CCDC144A: variants seen among roughly 807,000 people sequenced by gnomAD.
CCDC144A encodes coiled-coil domain containing 144A, also known as coiled-coil domain-containing protein 144A.
Under a neutral mutation model 143.8 loss-of-function variants are expected in CCDC144A, and 41 were observed. The observed-to-expected ratio is 0.29, with a 90% CI of 0.22 to 0.37. The LOEUF is 0.37. CCDC144A is among the 10% of genes least tolerant of loss of function. The probability of loss-of-function intolerance (pLI) is 1.00; values close to 1 mark genes in which losing one functional copy is unlikely to be tolerated. For missense variants in CCDC144A, 637 were observed against 1,488.8 expected (o/e 0.43, Z 9.41); for synonymous variants, 242 against 517.9 (o/e 0.47, Z 7.23).
intron 5 of CCDC144A, among the ~76,000 whole-genome samples, chr17:16,711,163 A>AAAAAAAAAAAAAAAAAAAAAAAG (rs1912418050): frequency 7.0e-6 from 1 of 142,192 alleles, no homozygotes; most frequent in Non-Finnish European, 1.5e-5. Flanking sequence ...AAAAAACAAA[A>AAAAAAAAAAAAAAAAAAAAAAAG]GTTAGTGGGG....
At chr17:16,707,069 G>A in intron 3 of CCDC144A, 1 of 160,808 alleles carries the variant, frequency 6.2e-6, no homozygotes, top group Non-Finnish European at 1.3e-5. Context: ...CAATAAAGGT[G>A]TCCACAGTCA....
At chr17:16,672,487 A>G in the CCDC144A span, among the ~76,000 whole-genome samples, 2 of 152,112 alleles carry the variant, frequency 1.3e-5, no homozygotes, top group Admixed American at 1.3e-4. Context: ...GGACATGTCA[A>G]AATTTCTATA....
intron 16 of CCDC144A, among the ~76,000 whole-genome samples, chr17:16,772,969 T>A (rs1314223707): frequency 6.6e-6 from 1 of 152,238 alleles, no homozygotes; most frequent in Admixed American, 6.5e-5. Context: ...GAATGAAGAA[T>A]GAGAAAACCA....
intron 2 of CCDC144A, among the ~76,000 whole-genome samples, chr17:16,704,632 T>C (rs562345864): frequency 6.6e-6 from 1 of 152,102 alleles, no homozygotes; most frequent in Admixed American, 6.6e-5. Context: ...ACAGCTCTTA[T>C]TTTGCAAATA....
intron 15 of CCDC144A, among the ~76,000 whole-genome samples, chr17:16,771,389 G>A (rs74453149): frequency 0.037 from 5,588 of 151,290 alleles, no homozygotes; most frequent in Non-Finnish European, 0.053. Context: ...CTTTGTGTCC[G>A]TATGAATGAA....
intron 11 of CCDC144A, among the ~76,000 whole-genome samples, chr17:16,734,082 G>A (rs1188668585): frequency 6.6e-6 from 1 of 150,518 alleles, no homozygotes; most frequent in Non-Finnish European, 1.5e-5. Context: ...CAAGGCTACA[G>A]TGAGTCTTGA....
At chr17:16,687,360 G>GC (rs1213166100), upstream of CCDC144A, among the ~76,000 whole-genome samples, 2 of 149,320 alleles carry the variant, frequency 1.3e-5, no homozygotes, top group Middle Eastern at 3.4e-3. Flanking sequence ...CTCCCCCGCC[G>GC]CCCCCCGCAG....
In CCDC144A at chr17:16,764,192, C is replaced by G. The variant is rs1339935725; in HGVS notation, c.4098+17C>G. 1.9e-6 allele frequency: 3 copies of G among 1,591,846 alleles called. No individual in the cohort carries two copies. Among genetic ancestry groups the G allele is most frequent in the Non-Finnish European group, 2.6e-6 (3 of 1,170,064 alleles). On this transcript the variant is annotated intron_variant, in intron 15 of 16. Coordinates refer to ENST00000399273, the MANE Select transcript of CCDC144A (RefSeq NM_001382000.1). ...TTGTTGAAGGTTAGCTATCTTTTTT[C>G]CTTCGGCGTTCAGATTTCTGATAGA... is the stretch of plus-strand genomic sequence containing the variant.
Position 16,734,883 on chromosome 17 carries a change from A to G in CCDC144A, c.2612A>G (p.Glu871Gly). The change falls in exon 12 of 17, where the codon GAG (glutamate) becomes GGG (glycine). Residue 871 changes from glutamate (E) to glycine (G), a missense_variant. By Grantham distance (98) the Glu-to-Gly change is moderately conservative. Coordinates refer to ENST00000399273, the MANE Select transcript of CCDC144A (RefSeq NM_001382000.1). ...DNLQKIIKLN[E>G]ETLTETILQY... ...CTTCAAAAAATTATAAAACTAAATG[A>G]GGAAACATTAACAGAAACAATACTC... 1 of 1,568,972 alleles carries G rather than the reference A, an allele frequency of 6.4e-7. No homozygotes were observed. The highest frequency in any genetic ancestry group is 8.6e-7 in the Non-Finnish European group (1 of 1,159,344).
chr17:16,742,823 A>G (rs1367314833), intron 12 of CCDC144A, among the ~76,000 whole-genome samples: 1 of 151,936 alleles, frequency 6.6e-6, no homozygotes, highest in Non-Finnish European at 1.5e-5. Context: ...AGTGATGTTG[A>G]GTACTTTTCC....
At position 16,774,701 on chromosome 17, in the gene CCDC144A, T is replaced by C. The variant is rs1417971944; in HGVS notation, c.*1068T>C. On this transcript the variant is annotated 3_prime_UTR_variant, in exon 17 of 17. Transcript: ENST00000399273. ...ATTATTATTATTTTTTATTTTCATC[T>C]TTTAAGTTCAGGGGTACATGTGCAG... 6.8e-6 allele frequency: 1 copy of C among 146,766 alleles called. No homozygotes were observed. The highest frequency in any genetic ancestry group is 6.8e-5 in the Admixed American group (1 of 14,800). 9.1% of individuals were successfully genotyped at this position (146,766 alleles called of 1,614,324 possible). A position where few individuals can be genotyped will look rare whatever the true frequency, so the allele number is the denominator to read the frequency against.
At chr17:16,670,731 A>G in the CCDC144A span, among the ~76,000 whole-genome samples, 1 of 151,872 alleles carries the variant, frequency 6.6e-6, no homozygotes, top group Non-Finnish European at 1.5e-5. Flanking sequence ...CTGATCTCCA[A>G]TTCCTGAGCT....
At chr17:16,676,056 G>A in the CCDC144A span, among the ~76,000 whole-genome samples, 17 of 152,062 alleles carry the variant, frequency 1.1e-4, no homozygotes, top group East Asian at 3.3e-3. Context: ...CCCACGCAGG[G>A]ACTTTAAAAC....
intron 2 of CCDC144A, among the ~76,000 whole-genome samples, chr17:16,699,732 T>C (rs938313374): frequency 1.0e-4 from 15 of 149,986 alleles, no homozygotes; most frequent in African/African-American, 3.7e-4. Flanking sequence ...TGTGATCTTA[T>C]AATTTTTTGT....
intron 12 of CCDC144A, chr17:16,737,487 A>T (rs534918691): frequency 1.1e-3 from 1,354 of 1,263,594 alleles, no homozygotes; most frequent in Non-Finnish European, 1.3e-3. Context: ...TTACTACCAT[A>T]ATTTAATAAT....
intron 12 of CCDC144A, among the ~76,000 whole-genome samples, chr17:16,742,309 G>C (rs142580655): frequency 0.11 from 17,005 of 152,108 alleles, 1,201 homozygotes; most frequent in South Asian, 0.29. Context: ...AAAACATACA[G>C]TAGTTATTTT....
intron 2 of CCDC144A, among the ~76,000 whole-genome samples, chr17:16,696,664 A>G (rs71371174): frequency 1.6e-3 from 247 of 152,010 alleles, no homozygotes; most frequent in Admixed American, 3.4e-3. Flanking sequence ...GAAAAGAAAA[A>G]AGAAAGAAAT....
Position 16,693,031 on chromosome 17 carries a change from C to T in CCDC144A, c.397C>T (p.Pro133Ser). The T allele has an allele frequency of 2.6e-6, 4 of 1,543,460 alleles. No homozygotes were observed. The highest frequency in any genetic ancestry group is 2.6e-6 in the Non-Finnish European group (3 of 1,150,696). ...YKEKQTPESL[P>S]QNNNPDWHPT... ...GGAAAAACAGACACCTGAAAGTCTT[C>T]CTCAAAATAACAATCCAGGTAAGAC... Residue 133 changes from proline to serine, a missense_variant, in exon 2 of 17, where the codon CCT (proline) becomes TCT (serine). By Grantham distance (74) the Pro-to-Ser change is moderately conservative. Transcript: ENST00000399273.
intron 15 of CCDC144A, among the ~76,000 whole-genome samples, chr17:16,769,819 C>T (rs1915753383): frequency 6.6e-6 from 1 of 151,662 alleles, no homozygotes; most frequent in African/African-American, 2.4e-5. Context: ...GATGCATTTT[C>T]TCTTTTTTGT....
Sources: gnomAD v4.1 joint callset for allele counts (sites outside exome capture counted in the v4.1 genomes callset) on GRCh38, gnomAD v4.1.1 for gene constraint, MANE v1.5 for transcripts, NCBI Gene and HGNC (gene_info 2026-07-23, HGNC 2026-07-21) for gene names.